The following PCDHGA8 variants were observed in gnomAD, a reference collection of about 807,000 sequenced individuals.
PCDHGA8 encodes the protein protocadherin gamma-A8.
Under a neutral mutation model 59.2 loss-of-function variants are expected in PCDHGA8, and 45 were observed. That is an observed-to-expected ratio of 0.76 (90% CI 0.60 to 0.98). The LOEUF (loss-of-function observed/expected upper bound fraction) is 0.98. Ranked by LOEUF, PCDHGA8 falls within the 50% of genes least tolerant of loss-of-function variation. The pLI, the probability that PCDHGA8 is intolerant of heterozygous loss-of-function variation, is 0.00. For missense variants in PCDHGA8, 1,257 were observed against 1,196.2 expected, an observed-to-expected ratio of 1.05 and a Z score of -0.75; for synonymous variants, 531 against 519.0, an observed-to-expected ratio of 1.02 and a Z score of -0.32.
rs1216200329 is a variant in PCDHGA8, at chr5:141,491,485, C to G, written c.2425-3322C>G. ...CTTCTATAAGCAGTCCAGCCCCAAC[C>G]TGCAGGTGAGCTCGGACGGCACGCT... On this transcript the variant is annotated intron_variant, in intron 1 of 3. Coordinates refer to ENST00000398604, the MANE Select transcript of PCDHGA8 (RefSeq NM_032088.2). This position sits in a 1 kb window ranked among gnomAD's most constrained non-coding sequence, Gnocchi z 6.9. 6.2e-7 allele frequency: 1 copy of G among 1,614,148 alleles called. No individual in the cohort carries two copies. The highest frequency in any genetic ancestry group is 1.3e-5 in the African/African-American group (1 of 75,064).
chr5:141,466,947 A>C (rs2099132734), intron 1 of PCDHGA8, among the ~76,000 whole-genome samples: 1 of 152,126 alleles, frequency 6.6e-6, no homozygotes, highest in South Asian at 2.1e-4. Context: ...TGTCCAGTAA[A>C]CAGACTGCAA....
chr5:141,432,528 A>T lies in PCDHGA8; in HGVS notation c.2424+37291A>T. The T allele has an allele frequency of 1.2e-6, 2 of 1,613,804 alleles. No homozygotes were observed. The highest frequency in any genetic ancestry group is 1.7e-6 in the Non-Finnish European group (2 of 1,180,000). ...GCAGAGCCCGGCTACCTGGTGACCA[A>T]GGTGGTGGCGGTGGACAGAGACTCC... is the stretch of plus-strand genomic sequence containing the variant. On this transcript the variant is annotated intron_variant, in intron 1 of 3. Transcript: ENST00000398604. This position sits in a 1 kb window ranked among gnomAD's most constrained non-coding sequence, Gnocchi z 6.0.
chr5:141,451,497 G>T (rs2098717489), intron 1 of PCDHGA8, among the ~76,000 whole-genome samples: 1 of 152,214 alleles, frequency 6.6e-6, no homozygotes, highest in Admixed American at 6.5e-5. Flanking sequence ...CCTCCATAGG[G>T]CAACCAGCTT....
rs2154576188 is a variant in PCDHGA8 at position 141,477,933 on chromosome 5, T to C, written c.2425-16874T>C. ...GCGGATGCAGGGCACAATGCCTGGCTCTCCTACAGTCTCTTGGGATCCCCT... is the reference window on the plus strand; with the variant it reads ...GCGGATGCAGGGCACAATGCCTGGCCCTCCTACAGTCTCTTGGGATCCCCT... On this transcript the variant is annotated intron_variant, in intron 1 of 3. Coordinates refer to ENST00000398604, the MANE Select transcript of PCDHGA8 (RefSeq NM_032088.2). The surrounding 1 kb of genome is among the most constrained non-coding windows in gnomAD (Gnocchi z 4.9). 1.2e-6 allele frequency: 2 copies of C among 1,614,112 alleles called. No homozygotes were observed. Among genetic ancestry groups the C allele is most frequent in the Non-Finnish European group, 1.7e-6 (2 of 1,180,022 alleles).
At chr5:141,414,489 G>C (rs754325517) in intron 1 of PCDHGA8, 2 of 1,613,872 alleles carry the variant, frequency 1.2e-6, no homozygotes, top group South Asian at 2.2e-5. Context: ...CTCTATCAAC[G>C]GAAGCTCACT....
At chr5:141,438,635 T>TATAC (rs1460604450) in intron 1 of PCDHGA8, among the ~76,000 whole-genome samples, 1 of 33,416 alleles carries the variant, frequency 3.0e-5, no homozygotes, top group Admixed American at 4.2e-4. Context: ...TATATATATA[T>TATAC]ACACACACAC....
At chr5:141,457,475 G>T (rs1203288452) in intron 1 of PCDHGA8, among the ~76,000 whole-genome samples, 1 of 152,142 alleles carries the variant, frequency 6.6e-6, no homozygotes, top group East Asian at 1.9e-4. Flanking sequence ...AATAAGCAGG[G>T]CCAGGGTTAG....
intron 1 of PCDHGA8, among the ~76,000 whole-genome samples, chr5:141,472,264 G>A (rs925973401): frequency 1.3e-4 from 20 of 152,068 alleles, no homozygotes; most frequent in African/African-American, 3.6e-4. Context: ...TATTATAGCC[G>A]GGCACAGTGG....
intron 1 of PCDHGA8, among the ~76,000 whole-genome samples, chr5:141,465,907 G>C (rs1367648934): frequency 6.6e-6 from 1 of 152,056 alleles, no homozygotes; most frequent in East Asian, 1.9e-4. Flanking sequence ...CAAATCACGA[G>C]GTCAGGATTT....
chr5:141,437,938 A>G (rs1042890704), intron 1 of PCDHGA8, among the ~76,000 whole-genome samples: 4 of 152,132 alleles, frequency 2.6e-5, no homozygotes, highest in African/African-American at 9.7e-5. Flanking sequence ...GGGTTTCACC[A>G]TATTGGCCAG....
At chr5:141,415,066 C>A in intron 1 of PCDHGA8, 1 of 1,613,410 alleles carries the variant, frequency 6.2e-7, no homozygotes, top group Non-Finnish European at 8.5e-7. Flanking sequence ...GGGCGAGGTG[C>A]GCACGGCGCG....
intron 1 of PCDHGA8, chr5:141,410,254 C>T: frequency 3.1e-6 from 5 of 1,614,020 alleles, no homozygotes; most frequent in Non-Finnish European, 3.4e-6. Flanking sequence ...TCTCTGACCC[C>T]CAGGCTGAAC....
chr5:141,449,300 T>C (rs2098635283), intron 1 of PCDHGA8, among the ~76,000 whole-genome samples: 1 of 152,090 alleles, frequency 6.6e-6, no homozygotes, highest in Non-Finnish European at 1.5e-5. Flanking sequence ...GGGTGAATTA[T>C]ATGTATTATA....
At chr5:141,499,689 CTTTTTTTTTTT>C in intron 2 of PCDHGA8, among the ~76,000 whole-genome samples, 1 of 119,852 alleles carries the variant, frequency 8.3e-6, no homozygotes, top group Non-Finnish European at 1.7e-5. Context: ...TAACAGATGA[CTTTTTTTTTTT>C]TTTTTTTTTT....
intron 1 of PCDHGA8, chr5:141,484,855 G>T (rs1178318896): frequency 3.9e-6 from 1 of 257,336 alleles, no homozygotes; most frequent in East Asian, 8.3e-5. Context: ...GTTTTTTGGG[G>T]GGTGGGGGAG....
intron 1 of PCDHGA8, among the ~76,000 whole-genome samples, chr5:141,437,886 C>T (rs763669578): frequency 1.1e-4 from 17 of 152,140 alleles, no homozygotes; most frequent in Non-Finnish European, 1.5e-4. Context: ...TACAGGCACA[C>T]GCCACCACAC....
In PCDHGA8 at chr5:141,432,508, G is replaced by A. The variant is rs1306067848; in HGVS notation, c.2424+37271G>A. ...TGGAGCTGGCTCCCCGCTCCGCAGA[G>A]CCCGGCTACCTGGTGACCAAGGTGG... On this transcript the variant is annotated intron_variant, in intron 1 of 3. Coordinates refer to ENST00000398604, the MANE Select transcript of PCDHGA8 (RefSeq NM_032088.2). This position sits in a 1 kb window ranked among gnomAD's most constrained non-coding sequence, Gnocchi z 6.0. The A allele has an allele frequency of 1.9e-6, 3 of 1,614,136 alleles. No individual in the cohort carries two copies. Among genetic ancestry groups the A allele is most frequent in the Non-Finnish European group, 2.5e-6 (3 of 1,180,034 alleles).
chr5:141,452,378 T>C (rs1227738942), intron 1 of PCDHGA8, among the ~76,000 whole-genome samples: 1 of 152,226 alleles, frequency 6.6e-6, no homozygotes, highest in African/African-American at 2.4e-5. Context: ...TAGTAGGGAA[T>C]AGTATTTAGA....
intron 1 of PCDHGA8, chr5:141,405,537 A>G (rs2094682119): frequency 3.1e-6 from 2 of 643,630 alleles, no homozygotes; most frequent in Middle Eastern, 4.2e-4. Context: ...CTCCTGCCTC[A>G]GCCTCCCAAG....
Sources: allele counts gnomAD v4.1 joint callset (sites outside exome capture counted in the v4.1 genomes callset), GRCh38; gene constraint gnomAD v4.1.1; non-coding constraint Gnocchi (gnomAD v3.1); transcripts MANE v1.5; gene names NCBI Gene and HGNC (gene_info 2026-07-23, HGNC 2026-07-21).